The following ATG5 variants were observed in gnomAD, a reference collection of about 807,000 sequenced individuals.
ATG5 encodes the protein autophagy related 5.
A neutral mutation model predicts 36.5 loss-of-function variants in ATG5; 14 were observed. That is an observed-to-expected ratio of 0.38 (90% confidence interval 0.25 to 0.60). The LOEUF (loss-of-function observed/expected upper bound fraction) is 0.60, where lower values mean the gene tolerates loss of function less well. Ranked by LOEUF, ATG5 falls within the 20% of genes least tolerant of loss-of-function variation. The probability of loss-of-function intolerance (pLI) is 0.60; values close to 1 mark genes in which losing one functional copy is unlikely to be tolerated. For synonymous variants in ATG5, 95 were observed against 101.5 expected (o/e 0.94, Z 0.38); for missense variants, 195 against 326.7 (o/e 0.60, Z 3.11).
intron 6 of ATG5, among the ~76,000 whole-genome samples, chr6:106,221,330 C>T (rs1777237932): frequency 6.6e-6 from 1 of 152,098 alleles, no homozygotes; most frequent in South Asian, 2.1e-4. Context: ...TATAGAACAG[C>T]TCTATTTTCA....
intron 7 of ATG5, among the ~76,000 whole-genome samples, chr6:106,200,734 C>A (rs994507536): frequency 6.6e-6 from 1 of 152,170 alleles, no homozygotes; most frequent in African/African-American, 2.4e-5. Flanking sequence ...CCCGCCTTGG[C>A]CTCCCAAAGT....
intron 6 of ATG5, among the ~76,000 whole-genome samples, chr6:106,206,388 T>A (rs1203011605): frequency 2.6e-4 from 39 of 152,148 alleles, no homozygotes; most frequent in Non-Finnish European, 1.5e-5. Flanking sequence ...TAATTTTCTG[T>A]TGTTTATAAA....
chr6:106,233,748 A>G (rs967906641), intron 6 of ATG5, among the ~76,000 whole-genome samples: 1 of 152,122 alleles, frequency 6.6e-6, no homozygotes, highest in African/African-American at 2.4e-5. Flanking sequence ...TGAGGAAAGT[A>G]ACTAAAATCG....
At chr6:106,270,526 T>G (rs1779416512) in intron 5 of ATG5, among the ~76,000 whole-genome samples, 1 of 152,234 alleles carries the variant, frequency 6.6e-6, no homozygotes, top group Non-Finnish European at 1.5e-5. Flanking sequence ...TTTGTATGAC[T>G]GTGACACATT....
In ATG5 at chr6:106,307,932, G is replaced by A. The variant is rs566001276; in HGVS notation, c.236+432C>T. Among the ~76,000 whole-genome samples the A allele has an allele frequency of 2.0e-5, 3 of 152,312 alleles. No individual in the cohort carries two copies. The South Asian group carries it at 6.2e-4, about 32-fold the overall frequency. On this transcript the variant is annotated intron_variant, in intron 3 of 7. Coordinates refer to ENST00000369076, the MANE Select transcript of ATG5 (RefSeq NM_004849.4). ...ACTCTAAACCAAGCCTAGTTAAGAT[G>A]TGTTTCTGGCACAGTGGTCAACTAA...
At chr6:106,240,060 A>G (rs1173054927) in intron 6 of ATG5, among the ~76,000 whole-genome samples, 1 of 151,866 alleles carries the variant, frequency 6.6e-6, no homozygotes, top group Non-Finnish European at 1.5e-5. Flanking sequence ...TGGCATGATC[A>G]TGGCTCACTG....
At chr6:106,297,765 C>CAT (rs1554223961) in intron 3 of ATG5, among the ~76,000 whole-genome samples, 49 of 108,084 alleles carry the variant, frequency 4.5e-4, no homozygotes, top group East Asian at 2.8e-3. Context: ...CACACACACA[C>CAT]ATATATATTT....
chr6:106,193,201 A>G (rs1313540308), intron 7 of ATG5, among the ~76,000 whole-genome samples: 1 of 152,214 alleles, frequency 6.6e-6, no homozygotes, highest in East Asian at 1.9e-4. Flanking sequence ...AGTGCTGTTT[A>G]TCAGAAAAAT....
At position 106,213,802 on chromosome 6, in the gene ATG5, GA is replaced by G. The variant is rs368257234; in HGVS notation, c.574-11714del. 3.1e-3 allele frequency among the ~76,000 whole-genome samples: 465 copies of G among 152,204 alleles called. 1 individual carries two copies. Among genetic ancestry groups the G allele is most frequent in the Non-Finnish European group, 5.2e-3 (351 of 67,974 alleles). On this transcript the variant is annotated intron_variant, in intron 6 of 7. Transcript: ENST00000369076. ...TGAAAAATGAGGAAAACTTATCTTT[GA>G]ACAATTGATGTGATAATTAAATGAG...
intron 7 of ATG5, among the ~76,000 whole-genome samples, chr6:106,197,590 G>T (rs1373277566): frequency 6.6e-6 from 1 of 151,890 alleles, no homozygotes; most frequent in East Asian, 1.9e-4. Flanking sequence ...GTGGAGGAGT[G>T]AGTTCTCACT....
At chr6:106,188,319 A>G (rs1003592283) in intron 7 of ATG5, among the ~76,000 whole-genome samples, 1 of 152,184 alleles carries the variant, frequency 6.6e-6, no homozygotes, top group Admixed American at 6.5e-5. Context: ...TCATATTCTT[A>G]TATTTCTTTG....
At chr6:106,234,367 C>A (rs1777810767) in intron 6 of ATG5, among the ~76,000 whole-genome samples, 1 of 152,156 alleles carries the variant, frequency 6.6e-6, no homozygotes, top group Non-Finnish European at 1.5e-5. Context: ...GCATTTCAAT[C>A]CCTGTACCTG....
At chr6:106,272,236 A>G (rs944091891) in intron 5 of ATG5, among the ~76,000 whole-genome samples, 1 of 152,174 alleles carries the variant, frequency 6.6e-6, no homozygotes, top group Non-Finnish European at 1.5e-5. Flanking sequence ...TTCATTAACC[A>G]TACTGCAGCC....
intron 6 of ATG5, among the ~76,000 whole-genome samples, chr6:106,210,069 C>A (rs1776798388): frequency 6.6e-6 from 1 of 152,128 alleles, no homozygotes; most frequent in African/African-American, 2.4e-5. Flanking sequence ...TGACTTTTAA[C>A]CTTTCAACCT....
chr6:106,275,715 A>G (rs1779616473), intron 5 of ATG5, among the ~76,000 whole-genome samples: 1 of 152,254 alleles, frequency 6.6e-6, no homozygotes, highest in South Asian at 2.1e-4. Context: ...TTATTAGACT[A>G]AGTCAGCTAC....
In ATG5 at chr6:106,244,119, T is replaced by C. The variant is rs1778241528; in HGVS notation, c.573+4031A>G. Among the ~76,000 whole-genome samples the C allele has an allele frequency of 2.0e-5, 3 of 151,974 alleles. 1 individual carries two copies. The South Asian group carries it at 6.2e-4, about 32-fold the overall frequency. ...TTTTTGTAGAGGTGGGGTCTCACTATGTTGTATCCAGGCTGGTCTCATTTT... is the reference window on the plus strand; with the variant it reads ...TTTTTGTAGAGGTGGGGTCTCACTACGTTGTATCCAGGCTGGTCTCATTTT... On this transcript the variant is annotated intron_variant, in intron 6 of 7. Transcript: ENST00000369076.
Position 106,279,777 on chromosome 6 carries a change from A to G in ATG5, c.362T>C (p.Ile121Thr). 1 of 1,606,694 alleles carries G rather than the reference A, an allele frequency of 6.2e-7. No homozygotes were observed. Among genetic ancestry groups the G allele is most frequent in the Non-Finnish European group, 8.5e-7 (1 of 1,176,172 alleles). Residue 121 changes from isoleucine to threonine, a missense_variant, in exon 5 of 8, where the codon ATT becomes ACT. Physicochemically the swap from Ile to Thr is moderately conservative, Grantham distance 89 (BLOSUM62 -1). Transcript: ENST00000369076. ...CATACATGACATAAAATGAGCTTCA[A>G]TTGCATCCTTAGATGGACAGTGCAG... ...DLLHCPSKDAIEAHFMSCMKE... is the reference protein window; with the variant it reads ...DLLHCPSKDATEAHFMSCMKE...
chr6:106,252,537 CTT>C (rs928858609), intron 5 of ATG5, among the ~76,000 whole-genome samples: 7 of 151,914 alleles, frequency 4.6e-5, no homozygotes, highest in African/African-American at 1.7e-4. Flanking sequence ...AATTTGTATT[CTT>C]TGTTACTCAC....
At chr6:106,236,918 G>A (rs2114481575) in intron 6 of ATG5, among the ~76,000 whole-genome samples, 1 of 152,188 alleles carries the variant, frequency 6.6e-6, no homozygotes, top group East Asian at 1.9e-4. Context: ...ATGTTAATGT[G>A]TATGCATGCA....
Sources: gnomAD v4.1 joint callset for allele counts (sites outside exome capture counted in the v4.1 genomes callset) on GRCh38, gnomAD v4.1.1 for gene constraint, MANE v1.5 for transcripts, NCBI Gene and HGNC (gene_info 2026-07-23, HGNC 2026-07-21) for gene names.